Variants in BMPER observed in about 807,000 individuals in gnomAD.
The protein encoded by BMPER is BMP-binding endothelial regulator protein.
In BMPER, 45 loss-of-function variants were observed where a neutral mutation model predicts 87.3. That is an observed-to-expected ratio of 0.52 (90% confidence interval 0.41 to 0.66). The LOEUF is 0.66. BMPER is among the 30% of genes least tolerant of loss of function. The pLI is 0.00. For missense variants in BMPER, 784 were observed against 867.5 expected, an observed-to-expected ratio of 0.90 and a Z score of 1.21; for synonymous variants, 326 against 316.2, an observed-to-expected ratio of 1.03 and a Z score of -0.33.
At chr7:34,043,736 A>G (rs895372691) in intron 6 of BMPER, among the ~76,000 whole-genome samples, 12 of 152,122 alleles carry the variant, frequency 7.9e-5, no homozygotes, top group Admixed American at 7.2e-4. Context: ...TTAATAAAAT[A>G]ATGGAATGAT....
At chr7:33,968,078 T>G (rs543774567) in intron 4 of BMPER, among the ~76,000 whole-genome samples, 1 of 152,282 alleles carries the variant, frequency 6.6e-6, no homozygotes, top group African/African-American at 2.4e-5. Context: ...GAAAGAGTGA[T>G]GCAGGAATCT....
At chr7:33,979,342 C>T (rs567042831) in intron 6 of BMPER, among the ~76,000 whole-genome samples, 1 of 151,184 alleles carries the variant, frequency 6.6e-6, no homozygotes, top group Non-Finnish European at 1.5e-5. Flanking sequence ...CTGTTACCAC[C>T]ACCCCCCTGC....
At chr7:33,994,897 C>A (rs959532919) in intron 6 of BMPER, among the ~76,000 whole-genome samples, 1 of 152,072 alleles carries the variant, frequency 6.6e-6, no homozygotes, top group African/African-American at 2.4e-5. Flanking sequence ...TTCTACAATT[C>A]TATAATATCT....
upstream of BMPER, chr7:33,905,419 G>GCCCCCCCCCCCCCCCCCCCCCCCCC: frequency 4.5e-5 from 5 of 110,386 alleles, no homozygotes; most frequent in South Asian, 3.7e-4. Context: ...CTCCCCGGGC[G>GCCCCCCCCCCCCCCCCCCCCCCCCC]CCCCCACACC....
At chr7:34,093,599 A>T (rs1789451672) in intron 13 of BMPER, among the ~76,000 whole-genome samples, 1 of 152,172 alleles carries the variant, frequency 6.6e-6, no homozygotes, top group Non-Finnish European at 1.5e-5. Flanking sequence ...GGCAAGGTTA[A>T]TTCTTTACTG....
chr7:34,008,716 T>A (rs1384946565), intron 6 of BMPER, among the ~76,000 whole-genome samples: 2 of 152,048 alleles, frequency 1.3e-5, no homozygotes, highest in African/African-American at 4.8e-5. Context: ...TGTTCCTAAC[T>A]TGAATGGCAA....
chr7:33,905,316 G>T (rs868220510), upstream of BMPER, among the ~76,000 whole-genome samples: 249 of 150,106 alleles, frequency 1.7e-3, 1 homozygote, highest in African/African-American at 5.8e-3. Context: ...CCTCTCCGGC[G>T]CTGAGGGGCT....
At chr7:34,022,718 A>AAC (rs1293392227) in intron 6 of BMPER, among the ~76,000 whole-genome samples, 3 of 151,682 alleles carry the variant, frequency 2.0e-5, no homozygotes, top group African/African-American at 7.3e-5. Flanking sequence ...AAAAAAAAAA[A>AAC]AAAAAAGGAA....
chr7:33,972,910 G>A (rs772669071), intron 5 of BMPER, among the ~76,000 whole-genome samples: 3 of 152,228 alleles, frequency 2.0e-5, no homozygotes, highest in Non-Finnish European at 2.9e-5. Context: ...TTTGTCTTAT[G>A]AGGGAGGCTT....
intron 6 of BMPER, among the ~76,000 whole-genome samples, chr7:34,004,666 C>T (rs1585728585): frequency 6.6e-6 from 1 of 152,166 alleles, no homozygotes; most frequent in Non-Finnish European, 1.5e-5. Context: ...GCCAGTGACT[C>T]TGCTCGGTTA....
intron 2 of BMPER, among the ~76,000 whole-genome samples, chr7:33,914,217 G>A (rs1396537899): frequency 1.3e-5 from 2 of 151,972 alleles, no homozygotes; most frequent in African/African-American, 4.8e-5. Flanking sequence ...TGCCCGCCTC[G>A]GTCTCCCAAA....
intron 2 of BMPER, among the ~76,000 whole-genome samples, chr7:33,918,045 C>T (rs577812127): frequency 2.6e-5 from 4 of 152,096 alleles, no homozygotes; most frequent in Non-Finnish European, 5.9e-5. Context: ...GTCTCACTAT[C>T]ACCAGGGCTG....
intron 3 of BMPER, chr7:33,940,103 G>GA (rs1402896079): frequency 6.0e-6 from 1 of 166,548 alleles, no homozygotes; most frequent in Non-Finnish European, 1.4e-5. Context: ...GGAAAAGCAG[G>GA]AAAAAAATAC....
At chr7:34,051,805 A>T in intron 7 of BMPER, 56 bp from the exon 8 acceptor site, 1 of 1,449,662 alleles carries the variant, frequency 6.9e-7, no homozygotes, top group Non-Finnish European at 9.7e-7. Flanking sequence ...CACCGATGAC[A>T]AAATGGGACA....
chr7:34,130,442 A>G (rs920863827), intron 13 of BMPER, among the ~76,000 whole-genome samples: 4 of 152,298 alleles, frequency 2.6e-5, no homozygotes, highest in Non-Finnish European at 4.4e-5. Context: ...TAGTAGTTAA[A>G]TCCATGGAAT....
Position 34,091,675 on chromosome 7 carries a change from C to T in BMPER, c.1745+5583C>T, listed in dbSNP as rs1275340226. On this transcript the variant is annotated intron_variant, in intron 13 of 14. Transcript: ENST00000649409. The stretch of plus-strand genomic sequence containing the variant: ...GCCTTCACTTTCTACATTGATTTAA[C>T]CCACTTATGCCTAGTGTTCCATTTT... Among the ~76,000 whole-genome samples the T allele has an allele frequency of 2.0e-5, 3 of 152,220 alleles. No individual in the cohort carries two copies. In the East Asian group the frequency reaches 5.8e-4, roughly 29 times the overall value.
At chr7:33,962,448 T>C (rs1785295803) in intron 3 of BMPER, among the ~76,000 whole-genome samples, 1 of 152,228 alleles carries the variant, frequency 6.6e-6, no homozygotes, top group Non-Finnish European at 1.5e-5. Flanking sequence ...TTTTCAGCCT[T>C]GGCGCAATGA....
chr7:34,116,677 AAAC>A (rs1010624732), intron 13 of BMPER, among the ~76,000 whole-genome samples: 4 of 152,256 alleles, frequency 2.6e-5, no homozygotes, highest in Non-Finnish European at 4.4e-5. Context: ...ATAAACAATC[AAAC>A]AACAACAGCA....
rs6977486 is a variant in BMPER at position 34,011,998 on chromosome 7, C to T, written c.577-34308C>T. On this transcript the variant is annotated intron_variant, in intron 6 of 14. Transcript: ENST00000649409. ...AGTTGGGAAAGCCTCAAAATAGCAA[C>T]AATGAGAATAAATGAAGCCAAATGA... Among the ~76,000 whole-genome samples the T allele has an allele frequency of 9.3e-3, 1,409 of 151,818 alleles. 20 individuals carry two copies. Among genetic ancestry groups the T allele is most frequent in the African/African-American group, 0.032 (1,345 of 41,448 alleles).
Sources: gnomAD v4.1 joint callset for allele counts (sites outside exome capture counted in the v4.1 genomes callset) on GRCh38, gnomAD v4.1.1 for gene constraint, MANE v1.5 for transcripts, NCBI Gene and HGNC (gene_info 2026-07-23, HGNC 2026-07-21) for gene names.